The following SYT14 variants were observed in gnomAD, a reference collection of about 807,000 sequenced individuals.
The protein encoded by SYT14 is synaptotagmin 14.
In SYT14, 32 loss-of-function variants were observed where a neutral mutation model predicts 74.2. The observed-to-expected ratio is 0.43, with a 90% confidence interval of 0.33 to 0.58. The LOEUF (loss-of-function observed/expected upper bound fraction) is 0.58, where lower values mean the gene tolerates loss of function less well. Ranked by LOEUF, SYT14 falls within the 20% of genes least tolerant of loss-of-function variation. SYT14 has a pLI of 0.05. For missense variants in SYT14, 791 were observed against 981.8 expected, an observed-to-expected ratio of 0.81 and a Z score of 2.60; for synonymous variants, 298 against 337.7, an observed-to-expected ratio of 0.88 and a Z score of 1.29.
intron 2 of SYT14, among the ~76,000 whole-genome samples, chr1:209,979,063 A>G (rs1299577793): frequency 6.6e-6 from 1 of 152,208 alleles, no homozygotes; most frequent in Non-Finnish European, 1.5e-5. Flanking sequence ...AAAGCGCAGT[A>G]TTAGGGTGGG....
At chr1:210,145,465 A>C (rs1453873479) in intron 7 of SYT14, among the ~76,000 whole-genome samples, 2 of 152,192 alleles carry the variant, frequency 1.3e-5, no homozygotes, top group African/African-American at 4.8e-5. Flanking sequence ...TTCATTCAGC[A>C]ATATTTATTA....
intron 5 of SYT14, among the ~76,000 whole-genome samples, chr1:210,065,245 G>A (rs1166206376): frequency 6.6e-6 from 1 of 152,000 alleles, no homozygotes; most frequent in African/African-American, 2.4e-5. Context: ...TTGAATTGTA[G>A]TTCCTGTAAT....
chr1:210,006,617 C>G (rs1488008756), intron 2 of SYT14, among the ~76,000 whole-genome samples: 1 of 151,842 alleles, frequency 6.6e-6, no homozygotes, highest in Non-Finnish European at 1.5e-5. Context: ...TCATGCCCAG[C>G]AGGACAAATC....
At chr1:210,139,878 A>C (rs751007344) in intron 7 of SYT14, among the ~76,000 whole-genome samples, 5 of 152,112 alleles carry the variant, frequency 3.3e-5, no homozygotes, top group Non-Finnish European at 7.4e-5. Context: ...TCATCTTTTC[A>C]TTCATTGACA....
chr1:210,081,695 T>C (rs2081618721), intron 5 of SYT14, among the ~76,000 whole-genome samples: 1 of 152,182 alleles, frequency 6.6e-6, no homozygotes, highest in Non-Finnish European at 1.5e-5. Context: ...TAATGTGATA[T>C]AGAATAAACA....
Position 210,016,369 on chromosome 1 carries a change from T to TA in SYT14, c.368dup (p.Asn123LysfsTer2). On this transcript the variant is annotated frameshift_variant, in exon 4 of 10. Transcript: ENST00000637265. LOFTEE classifies it high-confidence loss of function. ...ATGAAGAAAGAGTATTTAAACATGT[T>TA]AATGATAGGCAACAAACTCTATCAG... is the stretch of plus-strand genomic sequence containing the variant. 1 of 1,232,100 alleles carries TA rather than the reference T, an allele frequency of 8.1e-7. No individual in the cohort carries two copies. Among genetic ancestry groups the TA allele is most frequent in the Non-Finnish European group, 1.0e-6 (1 of 987,924 alleles). 76.3% of individuals were successfully genotyped at this position (1,232,100 alleles called of 1,614,324 possible).
chr1:210,145,628 T>C (rs768157716), intron 7 of SYT14, among the ~76,000 whole-genome samples: 2 of 152,204 alleles, frequency 1.3e-5, no homozygotes, highest in African/African-American at 2.4e-5. Flanking sequence ...AATATTCATA[T>C]AGTGCTGGAT....
chr1:210,136,656 T>TA (rs998843323), intron 7 of SYT14, among the ~76,000 whole-genome samples: 16 of 152,234 alleles, frequency 1.1e-4, no homozygotes, highest in African/African-American at 3.9e-4. Flanking sequence ...AGCATGGTGT[T>TA]ATGAGAGCAG....
At chr1:210,162,178 TG>T in exon 10 of SYT14, 1 of 437,798 alleles carries the variant, frequency 2.3e-6, no homozygotes, top group Non-Finnish European at 4.6e-6. Flanking sequence ...TCTAGTAACT[TG>T]TAACTAGACT....
intron 1 of SYT14, among the ~76,000 whole-genome samples, chr1:209,950,046 T>C (rs1365273825): frequency 6.6e-6 from 1 of 152,040 alleles, no homozygotes; most frequent in Non-Finnish European, 1.5e-5. Context: ...ATTGTTACTG[T>C]ACATACTAAG....
intron 5 of SYT14, among the ~76,000 whole-genome samples, chr1:210,037,529 GTT>G (rs59923020): frequency 5.3e-4 from 73 of 137,822 alleles, no homozygotes; most frequent in East Asian, 1.5e-3. Flanking sequence ...TGATTTTTCT[GTT>G]TTTTTTTTTT....
At chr1:210,142,760 C>A (rs574355573) in intron 7 of SYT14, among the ~76,000 whole-genome samples, 1 of 150,990 alleles carries the variant, frequency 6.6e-6, no homozygotes, top group African/African-American at 2.4e-5. Flanking sequence ...GCACCCCTTC[C>A]TCCCCCATTT....
intron 2 of SYT14, among the ~76,000 whole-genome samples, chr1:209,961,109 G>A (rs916942656): frequency 6.6e-6 from 1 of 152,026 alleles, no homozygotes; most frequent in African/African-American, 2.4e-5. Context: ...CTCCCTTTTT[G>A]CTGGGTAGAC....
chr1:210,016,494 T>C (rs1459640546), exon 4 of SYT14: 3 of 1,232,066 alleles, frequency 2.4e-6, no homozygotes, highest in Non-Finnish European at 2.0e-6. Context: ...GCTGGATCTA[T>C]TTGTCAAGAA....
chr1:209,981,063 CT>C (rs1414167667), intron 2 of SYT14, among the ~76,000 whole-genome samples: 13 of 152,112 alleles, frequency 8.5e-5, no homozygotes, highest in African/African-American at 3.1e-4. Context: ...GACATTGATT[CT>C]TCCTATCCAT....
At position 210,009,770 on chromosome 1, in the gene SYT14, A is replaced by C. The variant is rs1440852837; in HGVS notation, c.-485-3863A>C. On this transcript the variant is annotated intron_variant, in intron 2 of 9. Coordinates refer to ENST00000637265, the Ensembl canonical transcript of SYT14. ...TGGCATTTCCAGTGTAGCATGTCAA[A>C]AACTAAATTAATTATCTGTCATTCT... is the stretch of plus-strand genomic sequence containing the variant. Among the ~76,000 whole-genome samples the C allele has an allele frequency of 1.3e-5, 2 of 152,232 alleles. 1 individual carries two copies. Among genetic ancestry groups the C allele is most frequent in the East Asian group, 3.9e-4 (2 of 5,186 alleles).
chr1:210,036,393 T>G (rs1474911539), intron 5 of SYT14, among the ~76,000 whole-genome samples: 1 of 152,082 alleles, frequency 6.6e-6, no homozygotes, highest in Non-Finnish European at 1.5e-5. Flanking sequence ...ATAATTTGAC[T>G]TACTATTTTC....
intron 7 of SYT14, among the ~76,000 whole-genome samples, chr1:210,113,722 A>G (rs887843861): frequency 6.0e-5 from 9 of 151,048 alleles, no homozygotes; most frequent in Non-Finnish European, 8.8e-5. Context: ...AAGGGTGGCA[A>G]TGAGGTGTGG....
At chr1:210,020,152 C>T (rs2080273190) in intron 4 of SYT14, among the ~76,000 whole-genome samples, 1 of 152,032 alleles carries the variant, frequency 6.6e-6, no homozygotes, top group Admixed American at 6.6e-5. Flanking sequence ...TACTTTTTTA[C>T]CTCCTTTTTT....
Sources: gnomAD v4.1 joint callset for allele counts (sites outside exome capture counted in the v4.1 genomes callset) on GRCh38, gnomAD v4.1.1 for gene constraint, MANE v1.5 for transcripts, NCBI Gene and HGNC (gene_info 2026-07-23, HGNC 2026-07-21) for gene names.